Variants in HACE1 observed in about 807,000 individuals in gnomAD.
The protein encoded by HACE1 is E3 ubiquitin-protein ligase HACE1.
A neutral mutation model predicts 118.4 loss-of-function variants in HACE1; 73 were observed. That is an observed-to-expected ratio of 0.62 (90% CI 0.51 to 0.75). HACE1 has a LOEUF of 0.75. Among genes scored for constraint, HACE1 ranks in the 30% least tolerant of loss-of-function variants. The pLI, the probability that HACE1 is intolerant of heterozygous loss-of-function variation, is 0.00. For synonymous variants in HACE1, 368 were observed against 374.8 expected, an observed-to-expected ratio of 0.98 and a Z score of 0.21; for missense variants, 749 against 1,102.2, an observed-to-expected ratio of 0.68 and a Z score of 4.54.
chr6:104,733,352 T>C (rs1562246364), intron 22 of HACE1, among the ~76,000 whole-genome samples: 1 of 152,184 alleles, frequency 6.6e-6, no homozygotes, highest in Non-Finnish European at 1.5e-5. Flanking sequence ...AAACCATTCC[T>C]GAAACCTTAT....
intron 6 of HACE1, among the ~76,000 whole-genome samples, chr6:104,816,864 A>G (rs1772173603): frequency 6.6e-6 from 1 of 152,208 alleles, no homozygotes; most frequent in Non-Finnish European, 1.5e-5. Context: ...CCCATGCATC[A>G]GTGTGCCCTG....
chr6:104,809,880 G>A (rs1169114860), intron 7 of HACE1, among the ~76,000 whole-genome samples: 1 of 151,734 alleles, frequency 6.6e-6, no homozygotes, highest in Non-Finnish European at 1.5e-5. Context: ...AAGAGAGAGA[G>A]AGAGAAATAA....
Position 104,795,720 on chromosome 6 carries a change from T to C in HACE1, c.817-35A>G, listed in dbSNP as rs191776801. The C allele has an allele frequency of 7.2e-5, 87 of 1,208,038 alleles. 1 individual carries two copies. In the African/African-American group the frequency reaches 8.8e-4, roughly 12 times the overall value. 74.8% of individuals were successfully genotyped at this position (1,208,038 alleles called of 1,614,324 possible). A position where few individuals can be genotyped will look rare whatever the true frequency, so the allele number is the denominator to read the frequency against. Reference sequence around the variant, plus strand: ...TTACAAATAAAAAAATGTGATTACATAGTAATCCATTAAATCTTATCAAAC... The same window carrying C: ...TTACAAATAAAAAAATGTGATTACACAGTAATCCATTAAATCTTATCAAAC... On this transcript the variant is annotated intron_variant, in intron 9 of 23. Transcript: ENST00000262903.
chr6:104,773,754 A>T (rs918235247), intron 17 of HACE1, among the ~76,000 whole-genome samples: 1 of 150,538 alleles, frequency 6.6e-6, no homozygotes, highest in Non-Finnish European at 1.5e-5. Context: ...TAAAAAGAAT[A>T]GATAAGGAGA....
At chr6:104,761,341 C>T (rs1252529416) in intron 19 of HACE1, among the ~76,000 whole-genome samples, 1 of 152,076 alleles carries the variant, frequency 6.6e-6, no homozygotes, top group Non-Finnish European at 1.5e-5. Flanking sequence ...GTACTGGTAC[C>T]AAAACGATAT....
chr6:104,831,990 G>A (rs1181053235), intron 6 of HACE1, among the ~76,000 whole-genome samples: 16 of 95,154 alleles, frequency 1.7e-4, no homozygotes, highest in Admixed American at 1.1e-4. Context: ...GAGGAAGGAA[G>A]GAAGGAAGGA....
intron 22 of HACE1, among the ~76,000 whole-genome samples, chr6:104,742,408 C>T (rs1776853004): frequency 6.7e-6 from 1 of 149,718 alleles, no homozygotes; most frequent in Non-Finnish European, 1.5e-5. Context: ...TCACAACCTA[C>T]TCATCTGACA....
chr6:104,856,276 T>A (rs1235924618), intron 1 of HACE1, among the ~76,000 whole-genome samples: 1 of 152,168 alleles, frequency 6.6e-6, no homozygotes, highest in Non-Finnish European at 1.5e-5. Context: ...ATATACAATT[T>A]CTCTTCAAAC....
Position 104,791,519 on chromosome 6 carries a change from T to C in HACE1, c.1059A>G (p.Arg353=), listed in dbSNP as rs1783020904. ...DMGYNGNKTP[R]SQVFKPLELL... ...CTTTTCTCACCTTGAACACCTGGCT[T>C]CTTGGAGTTTTATTCCCATTGTAGC... Residue 353 remains arginine (R), a synonymous_variant, in exon 11 of 24, where the codon AGA becomes AGG. Coordinates refer to ENST00000262903, the MANE Select transcript of HACE1 (RefSeq NM_020771.4). 1 of 1,613,264 alleles carries C rather than the reference T, an allele frequency of 6.2e-7. No homozygotes were observed. The highest frequency in any genetic ancestry group is 1.7e-5 in the Admixed American group (1 of 60,020).
chr6:104,750,802 A>C (rs188919275), intron 19 of HACE1, among the ~76,000 whole-genome samples: 19 of 152,316 alleles, frequency 1.2e-4, no homozygotes, highest in Non-Finnish European at 2.1e-4. Context: ...GATTACTGCA[A>C]CATCTGGTGT....
rs1001678597 is a variant in HACE1 at position 104,741,339 on chromosome 6, G to C, written c.2513+2821C>G. ...ATTAGGCAGGAGAAGGATATAAAGGGTATTCAATTAGGAAAAGAGGAAGTC... is the reference window on the plus strand; with the variant it reads ...ATTAGGCAGGAGAAGGATATAAAGGCTATTCAATTAGGAAAAGAGGAAGTC... On this transcript the variant is annotated intron_variant, in intron 22 of 23. Transcript: ENST00000262903. Among the ~76,000 whole-genome samples the C allele has an allele frequency of 3.4e-4, 51 of 148,466 alleles. No individual in the cohort carries two copies. The South Asian group carries it at 0.011, about 32-fold the overall frequency.
At chr6:104,769,443 C>A (rs1239679749) in intron 19 of HACE1, among the ~76,000 whole-genome samples, 3 of 152,096 alleles carry the variant, frequency 2.0e-5, no homozygotes, top group African/African-American at 7.2e-5. Flanking sequence ...AATAAAGATT[C>A]TATGACTTCA....
intron 22 of HACE1, among the ~76,000 whole-genome samples, chr6:104,734,128 G>A (rs1775530942): frequency 9.0e-6 from 1 of 111,348 alleles, no homozygotes; most frequent in Non-Finnish European, 1.7e-5. Flanking sequence ...GAGAAACAGA[G>A]CAAGACTCTT....
At chr6:104,841,796 T>C (rs889487250) in intron 5 of HACE1, among the ~76,000 whole-genome samples, 9 of 152,166 alleles carry the variant, frequency 5.9e-5, no homozygotes, top group African/African-American at 2.2e-4. Flanking sequence ...TTTTCTGCCA[T>C]GATTTCAAAA....
intron 22 of HACE1, among the ~76,000 whole-genome samples, chr6:104,739,149 A>G (rs983737610): frequency 1.3e-5 from 2 of 152,188 alleles, no homozygotes; most frequent in Non-Finnish European, 2.9e-5. Flanking sequence ...GGCCTGCCCT[A>G]AAAGAGCCTG....
intron 19 of HACE1, among the ~76,000 whole-genome samples, chr6:104,751,640 AAATAAT>A (rs770431549): frequency 6.6e-6 from 1 of 152,178 alleles, no homozygotes; most frequent in Non-Finnish European, 1.5e-5. Flanking sequence ...TTAAAGAAAA[AAATAAT>A]AATAATAACT....
In HACE1 at chr6:104,729,621, T is replaced by C. The variant is rs1774986801; in HGVS notation, c.*41A>G. The C allele has an allele frequency of 3.1e-6, 3 of 953,698 alleles. No individual in the cohort carries two copies. Among genetic ancestry groups the C allele is most frequent in the South Asian group, 2.6e-5 (2 of 78,128 alleles). 59.1% of individuals were successfully genotyped at this position (953,698 alleles called of 1,614,324 possible). ...TTTTCCCAAATTACTTCTGCCATTC[T>C]GAATTGTGCATCAGTAGTCAGAGGA... On this transcript the variant is annotated 3_prime_UTR_variant, in exon 24 of 24. Coordinates refer to ENST00000262903, the MANE Select transcript of HACE1 (RefSeq NM_020771.4).
intron 5 of HACE1, among the ~76,000 whole-genome samples, chr6:104,835,746 T>C (rs1174875116): frequency 6.6e-6 from 1 of 152,062 alleles, no homozygotes; most frequent in Non-Finnish European, 1.5e-5. Context: ...TCGAAATGGA[T>C]AAAATAAATC....
chr6:104,820,340 T>C (rs1272344203), intron 6 of HACE1, among the ~76,000 whole-genome samples: 3 of 152,092 alleles, frequency 2.0e-5, no homozygotes, highest in African/African-American at 7.2e-5. Context: ...AATTGGAAGT[T>C]GGGATCTAAT....
Sources: allele counts gnomAD v4.1 joint callset (sites outside exome capture counted in the v4.1 genomes callset), GRCh38; gene constraint gnomAD v4.1.1; transcripts MANE v1.5; gene names NCBI Gene and HGNC (gene_info 2026-07-23, HGNC 2026-07-21).